Variants in SEMA3D observed in about 807,000 individuals in gnomAD.
SEMA3D encodes the protein semaphorin 3D, also known as semaphorin-3D.
SEMA3D carries 84 observed loss-of-function variants against 100.1 expected under a neutral mutation model. That is an observed-to-expected ratio of 0.84 (90% CI 0.70 to 1.01). The LOEUF is 1.01. Ranked by LOEUF, SEMA3D falls within the 50% of genes least tolerant of loss-of-function variation. The pLI is 0.00. For missense variants in SEMA3D, 875 were observed against 934.1 expected (o/e 0.94, Z 0.82); for synonymous variants, 312 against 320.7 (o/e 0.97, Z 0.29).
intron 4 of SEMA3D, among the ~76,000 whole-genome samples, chr7:85,089,935 T>C (rs1788336130): frequency 6.6e-6 from 1 of 152,000 alleles, no homozygotes; most frequent in South Asian, 2.1e-4. Context: ...ATGTATTGCA[T>C]GAAAGAGAGA....
the SEMA3D span, among the ~76,000 whole-genome samples, chr7:85,227,433 C>T: frequency 1.3e-5 from 2 of 152,098 alleles, no homozygotes; most frequent in African/African-American, 4.8e-5. Context: ...CTTTTTCTAA[C>T]ATGTGAGGGC....
chr7:85,231,187 C>T, the SEMA3D span, among the ~76,000 whole-genome samples: 1 of 152,080 alleles, frequency 6.6e-6, no homozygotes, highest in Non-Finnish European at 1.5e-5. Context: ...CTTTGGCTTT[C>T]TCTTCCTTTC....
chr7:85,176,607 G>T (rs1349167153), intron 1 of SEMA3D, among the ~76,000 whole-genome samples: 10 of 151,876 alleles, frequency 6.6e-5, no homozygotes, highest in Non-Finnish European at 1.5e-4. Context: ...TATGACTTTG[G>T]TATATATAAA....
intron 14 of SEMA3D, among the ~76,000 whole-genome samples, chr7:85,019,869 T>C (rs1790206942): frequency 6.6e-6 from 1 of 151,668 alleles, no homozygotes; most frequent in Non-Finnish European, 1.5e-5. Flanking sequence ...TGGTCTATTT[T>C]TCTCAAATTC....
chr7:85,247,046 T>C, the SEMA3D span, among the ~76,000 whole-genome samples: 8 of 152,116 alleles, frequency 5.3e-5, no homozygotes, highest in South Asian at 1.7e-3. Context: ...AATACAGTGG[T>C]GGCCTCTGGG....
At chr7:85,146,995 A>G (rs924880654) in intron 2 of SEMA3D, among the ~76,000 whole-genome samples, 22 of 151,626 alleles carry the variant, frequency 1.5e-4, no homozygotes, top group African/African-American at 5.1e-4. Flanking sequence ...GAATGGGCTC[A>G]TCTTTCCGTA....
intron 18 of SEMA3D, 93 bp downstream of exon 18, chr7:85,006,709 T>G: frequency 1.0e-6 from 1 of 969,204 alleles, no homozygotes; most frequent in Non-Finnish European, 1.4e-6. Flanking sequence ...AATCAAATAA[T>G]GATGAGAGTA....
chr7:85,218,349 T>C, the SEMA3D span, among the ~76,000 whole-genome samples: 1 of 152,088 alleles, frequency 6.6e-6, no homozygotes, highest in East Asian at 1.9e-4. Flanking sequence ...ATTCATACAA[T>C]AGGAATACAT....
intron 10 of SEMA3D, chr7:85,041,049 G>T: frequency 5.8e-6 from 1 of 173,406 alleles, no homozygotes; most frequent in Non-Finnish European, 1.2e-5. Flanking sequence ...TGTCAACTTA[G>T]TAATTAATTT....
the SEMA3D span, among the ~76,000 whole-genome samples, chr7:85,211,932 G>T: frequency 6.6e-6 from 1 of 152,048 alleles, no homozygotes; most frequent in Non-Finnish European, 1.5e-5. Context: ...TTAATCAATT[G>T]TTTATGTTAT....
chr7:85,176,925 A>G (rs1244746453), intron 1 of SEMA3D, among the ~76,000 whole-genome samples: 2 of 152,128 alleles, frequency 1.3e-5, no homozygotes, highest in African/African-American at 4.8e-5. Flanking sequence ...TGTTTTTACC[A>G]TATCTTTTCT....
At chr7:85,159,547 A>G (rs1443474953) in intron 1 of SEMA3D, among the ~76,000 whole-genome samples, 1 of 152,208 alleles carries the variant, frequency 6.6e-6, no homozygotes, top group Non-Finnish European at 1.5e-5. Flanking sequence ...TTTGGTAGGC[A>G]ATGGGGAGCC....
intron 1 of SEMA3D, among the ~76,000 whole-genome samples, chr7:85,180,021 G>C (rs1791357026): frequency 6.6e-6 from 1 of 152,184 alleles, no homozygotes; most frequent in Non-Finnish European, 1.5e-5. Context: ...TGTTGGAAAA[G>C]CATAATTGTG....
At chr7:85,171,219 T>C (rs1350265918) in intron 1 of SEMA3D, among the ~76,000 whole-genome samples, 1 of 152,026 alleles carries the variant, frequency 6.6e-6, no homozygotes, top group Non-Finnish European at 1.5e-5. Flanking sequence ...TGCTGTAGAC[T>C]AGGGCCTACT....
chr7:85,083,193 C>A (rs1479135288), intron 4 of SEMA3D, among the ~76,000 whole-genome samples: 2 of 151,984 alleles, frequency 1.3e-5, no homozygotes, highest in African/African-American at 4.8e-5. Flanking sequence ...AGAAAAATGG[C>A]CAGCCAAAAT....
the SEMA3D span, among the ~76,000 whole-genome samples, chr7:85,213,601 C>G: frequency 5.9e-4 from 90 of 151,878 alleles, 1 homozygote; most frequent in Non-Finnish European, 9.1e-4. Flanking sequence ...CATGCATCTG[C>G]CAGTGTCTGT....
At chr7:85,071,531 T>C (rs1791774003) in intron 6 of SEMA3D, among the ~76,000 whole-genome samples, 2 of 152,206 alleles carry the variant, frequency 1.3e-5, no homozygotes, top group Admixed American at 1.3e-4. Context: ...CAGTCATGCA[T>C]CACTTAAAGA....
chr7:85,160,577 C>T (rs1790719338), intron 1 of SEMA3D, among the ~76,000 whole-genome samples: 1 of 152,116 alleles, frequency 6.6e-6, no homozygotes, highest in Admixed American at 6.6e-5. Context: ...CTAATGAGAA[C>T]CTTGGGGAAC....
intron 6 of SEMA3D, among the ~76,000 whole-genome samples, chr7:85,072,482 C>G (rs1791802019): frequency 6.6e-6 from 1 of 152,086 alleles, no homozygotes; most frequent in African/African-American, 2.4e-5. Context: ...TAGCAACATA[C>G]TATGTATATC....
Sources: allele counts gnomAD v4.1 joint callset (sites outside exome capture counted in the v4.1 genomes callset), GRCh38; gene constraint gnomAD v4.1.1; transcripts MANE v1.5; gene names NCBI Gene and HGNC (gene_info 2026-07-23, HGNC 2026-07-21).